Variants in SFI1 observed in about 807,000 individuals in gnomAD.
The protein encoded by SFI1 is protein SFI1 homolog.
Under a neutral mutation model 207.5 loss-of-function variants are expected in SFI1, and 195 were observed. The observed-to-expected ratio is 0.94, with a 90% confidence interval of 0.84 to 1.06. SFI1 has a LOEUF of 1.06. Ranked by LOEUF, SFI1 falls within the 50% of genes least tolerant of loss-of-function variation. The pLI, the probability that SFI1 is intolerant of heterozygous loss-of-function variation, is 0.00. For missense variants in SFI1, 1,634 were observed against 1,588.0 expected, an observed-to-expected ratio of 1.03 and a Z score of -0.49; for synonymous variants, 630 against 598.9, an observed-to-expected ratio of 1.05 and a Z score of -0.76.
intron 5 of SFI1, among the ~76,000 whole-genome samples, chr22:31,549,403 A>G (rs1233785355): frequency 1.3e-5 from 2 of 149,864 alleles, no homozygotes; most frequent in African/African-American, 4.9e-5. Flanking sequence ...GCTGGAGTGC[A>G]GTGGAACAAT....
chr22:31,525,896 C>A (rs1368616448), intron 2 of SFI1, among the ~76,000 whole-genome samples: 1 of 152,084 alleles, frequency 6.6e-6, no homozygotes, highest in Non-Finnish European at 1.5e-5. Flanking sequence ...GGTGTGATGC[C>A]TCCAGCTTTG....
In SFI1 at chr22:31,613,184, C is replaced by T; in HGVS notation, c.2533C>T (p.Leu845=). 1.9e-6 allele frequency: 3 copies of T among 1,613,850 alleles called. No individual in the cohort carries two copies. The highest frequency in any genetic ancestry group is 3.3e-5 in the Admixed American group (2 of 60,024). The change falls in exon 25 of 33, where the codon CTG becomes TTG. Residue 845 remains leucine (L), a synonymous_variant. Coordinates refer to ENST00000400288, the MANE Select transcript of SFI1 (RefSeq NM_001007467.3). ...GGAGCAGCGGGCGACAGTGCGGGCC[C>T]TGTGGTTCTGGGCCTTCTCGCTGCA... The part of the protein sequence containing the change: ...RQEQRATVRA[L]WFWAFSLQAK...
chr22:31,519,707 G>A (rs2056982659), intron 2 of SFI1, among the ~76,000 whole-genome samples: 1 of 152,016 alleles, frequency 6.6e-6, no homozygotes, highest in African/African-American at 2.4e-5. Flanking sequence ...CAAAGTGCTG[G>A]GATTACAGCC....
intron 15 of SFI1, 132 bp downstream of exon 15, chr22:31,589,709 G>A (rs1323184737): frequency 8.0e-6 from 7 of 873,644 alleles, no homozygotes; most frequent in Non-Finnish European, 1.2e-5. Context: ...TTTCAGTAAT[G>A]TGGGCTCATT....
At chr22:31,591,908 AC>A (rs1381256330) in intron 15 of SFI1, among the ~76,000 whole-genome samples, 1 of 21,234 alleles carries the variant, frequency 4.7e-5, no homozygotes. Context: ...AGGGGGGCTG[AC>A]CCCCCCCACC....
Position 31,573,060 on chromosome 22 carries a change from TTGGTCACAGTGG to T in SFI1, c.769_780del (p.Trp257_Trp260del). On this transcript the variant is annotated inframe_deletion, in exon 9 of 33. Transcript: ENST00000400288. ...GTTGCCTCTTCTCTGGTTTTCAGGC[TTGGTCACAGTGG>T]CGGGAACAGCTCCTGTATGTCCAGA... The T allele has an allele frequency of 5.0e-6, 8 of 1,613,346 alleles. No homozygotes were observed. The highest frequency in any genetic ancestry group is 6.8e-6 in the Non-Finnish European group (8 of 1,179,570).
At chr22:31,544,231 G>T (rs954568817) in intron 4 of SFI1, among the ~76,000 whole-genome samples, 4 of 151,996 alleles carry the variant, frequency 2.6e-5, no homozygotes, top group African/African-American at 9.7e-5. Context: ...CTGCTTTTCT[G>T]TGTTCCTTAT....
Position 31,531,039 on chromosome 22 carries a change from C to G in SFI1, c.267-19C>G, listed in dbSNP as rs2058468810. ...AATGGAATTTTAAAATATGTATATG[C>G]TTTTTTTCCTTCTTTCAGATGCGTG... On this transcript the variant is annotated intron_variant, in intron 3 of 32. Transcript: ENST00000400288. 2.5e-6 allele frequency: 4 copies of G among 1,602,012 alleles called. No individual in the cohort carries two copies. Among genetic ancestry groups the G allele is most frequent in the Non-Finnish European group, 3.4e-6 (4 of 1,174,312 alleles).
chr22:31,611,258 G>A lies in SFI1; in HGVS notation c.2370G>A (p.Gly790=). 3 of 1,612,794 alleles carry A rather than the reference G, an allele frequency of 1.9e-6. No homozygotes were observed. Among genetic ancestry groups the A allele is most frequent in the Non-Finnish European group, 2.5e-6 (3 of 1,179,392 alleles). ...QHHHRQLLLE[G]LARWKTHHLQ... Reference sequence around the variant, plus strand: ...ACCACCGGCAGCTGCTGCTGGAGGGGCTGGCCCGGTGGAAGACGCACCATC... The same window carrying A: ...ACCACCGGCAGCTGCTGCTGGAGGGACTGGCCCGGTGGAAGACGCACCATC... Residue 790 remains glycine, a synonymous_variant, in exon 23 of 33, where the codon GGG becomes GGA. Transcript: ENST00000400288.
chr22:31,614,734 AC>A (rs748141654), intron 27 of SFI1, 54 bp from the exon 28 acceptor site: 1 of 1,586,208 alleles, frequency 6.3e-7, no homozygotes, highest in Non-Finnish European at 8.7e-7. Flanking sequence ...GAGATCTCAG[AC>A]CCCCCTGCAG....
chr22:31,498,649 TAA>T (rs35069980), intron 1 of SFI1, among the ~76,000 whole-genome samples: 2 of 143,622 alleles, frequency 1.4e-5, no homozygotes, highest in Admixed American at 7.0e-5. Context: ...AGACTCCGTC[TAA>T]AAAAAAAAAA....
chr22:31,611,654 C>A, intron 23 of SFI1, 112 bp from the exon 24 acceptor site: 3 of 1,110,706 alleles, frequency 2.7e-6, no homozygotes, highest in South Asian at 3.0e-5. Context: ...ATCCAGGACT[C>A]CTAGCAATGG....
chr22:31,537,947 G>A (rs2059143567), intron 4 of SFI1, among the ~76,000 whole-genome samples: 1 of 152,028 alleles, frequency 6.6e-6, no homozygotes, highest in African/African-American at 2.4e-5. Context: ...TATGTGCTTA[G>A]ATAATGTTTT....
intron 8 of SFI1, among the ~76,000 whole-genome samples, chr22:31,563,410 T>C (rs181806668): frequency 7.9e-5 from 12 of 152,234 alleles, no homozygotes; most frequent in African/African-American, 2.2e-4. Context: ...ACTAAACTTA[T>C]AGACTGACTG....
chr22:31,568,900 C>A (rs1007372481), intron 8 of SFI1, among the ~76,000 whole-genome samples: 1 of 152,038 alleles, frequency 6.6e-6, no homozygotes, highest in African/African-American at 2.4e-5. Flanking sequence ...TTGAAAACAT[C>A]AAATACATAA....
chr22:31,528,706 G>T lies in SFI1; in HGVS notation c.109G>T (p.Ala37Ser), dbSNP rs1228513460. The T allele has an allele frequency of 1.2e-6, 2 of 1,614,004 alleles. No individual in the cohort carries two copies. Among genetic ancestry groups the T allele is most frequent in the Non-Finnish European group, 1.7e-6 (2 of 1,179,946 alleles). Reference sequence around the variant, plus strand: ...AAATTTAAGGTATTTTAAGGATGGTGCAGTTAAGAAACCTTATTCTGCAAA... The same window carrying T: ...AAATTTAAGGTATTTTAAGGATGGTTCAGTTAAGAAACCTTATTCTGCAAA... ...KVDSRYFKDG[A>S]VKKPYSAKTL... The change falls in exon 3 of 33, where the codon GCA (alanine) becomes TCA (serine). Residue 37 changes from alanine (A) to serine (S), a missense_variant. Transcript: ENST00000400288.
intron 21 of SFI1, 74 bp downstream of exon 21, chr22:31,606,504 G>A: frequency 8.0e-7 from 1 of 1,245,130 alleles, no homozygotes; most frequent in Admixed American, 1.9e-5. Context: ...GGGATGTAGG[G>A]GGTGGTGCCA....
rs757755282 is a variant in SFI1 at position 31,606,387 on chromosome 22, C to A, written c.2114C>A (p.Thr705Asn). 2 of 1,613,870 alleles carry A rather than the reference C, an allele frequency of 1.2e-6. No individual in the cohort carries two copies. The highest frequency in any genetic ancestry group is 2.2e-5 in the South Asian group (2 of 91,082). The change falls in exon 21 of 33, where the codon ACC becomes AAC. Residue 705 changes from threonine to asparagine, a missense_variant. By Grantham distance (65) the Thr-to-Asn change is moderately conservative (BLOSUM62 0). Coordinates refer to ENST00000400288, the MANE Select transcript of SFI1 (RefSeq NM_001007467.3). ...GCCCGAGTGGATGAAGCCAAAAAAA[C>A]CTTTCAAGCAAGTACTCATTACAGA... ...TMARVDEAKK[T>N]FQASTHYRRT...
At chr22:31,604,493 G>T in intron 19 of SFI1, 89 bp downstream of exon 19, 2 of 1,180,142 alleles carry the variant, frequency 1.7e-6, no homozygotes, top group Non-Finnish European at 2.3e-6. Context: ...CTTCCTGTCC[G>T]TCCCAGAACA....
Sources: gnomAD v4.1 joint callset for allele counts (sites outside exome capture counted in the v4.1 genomes callset) on GRCh38, gnomAD v4.1.1 for gene constraint, MANE v1.5 for transcripts, NCBI Gene and HGNC (gene_info 2026-07-23, HGNC 2026-07-21) for gene names.